The following TPTE2 variants were observed in gnomAD, a reference collection of about 807,000 sequenced individuals.
The protein encoded by TPTE2 is phosphatidylinositol 3,4,5-trisphosphate 3-phosphatase TPTE2.
Under a neutral mutation model 78.6 loss-of-function variants are expected in TPTE2, and 53 were observed. That is an observed-to-expected ratio of 0.67 (90% confidence interval 0.54 to 0.85). The LOEUF is 0.85. TPTE2 is among the 40% of genes least tolerant of loss of function. The pLI, the probability that TPTE2 is intolerant of heterozygous loss-of-function variation, is 0.00. For synonymous variants in TPTE2, 175 were observed against 206.2 expected, an observed-to-expected ratio of 0.85 and a Z score of 1.30; for missense variants, 461 against 623.0, an observed-to-expected ratio of 0.74 and a Z score of 2.77.
At position 19,451,233 on chromosome 13, in the gene TPTE2, A is replaced by C. The variant is rs770002845; in HGVS notation, c.742-8T>G. 8 of 1,613,368 alleles carry C rather than the reference A, an allele frequency of 5.0e-6. No individual in the cohort carries two copies. Among genetic ancestry groups the C allele is most frequent in the Admixed American group, 3.3e-5 (2 of 59,952 alleles). ...TAGAAACCGCACAACTTCCTAAAAA[A>C]GACAAACACATATCTTACATATTTA... is the stretch of plus-strand genomic sequence containing the variant. On this transcript the variant is annotated splice_region_variant and splice_polypyrimidine_tract_variant and intron_variant, in intron 10 of 19. Coordinates refer to ENST00000400230, the Ensembl canonical transcript of TPTE2.
intron 1 of TPTE2, among the ~76,000 whole-genome samples, chr13:19,502,542 G>C (rs369892685): frequency 6.7e-6 from 1 of 148,796 alleles, no homozygotes; most frequent in Non-Finnish European, 1.5e-5. Context: ...GTAAACTATC[G>C]CAAGAACAAA....
chr13:19,468,846 T>C (rs891833171), intron 6 of TPTE2, among the ~76,000 whole-genome samples: 1 of 152,246 alleles, frequency 6.6e-6, no homozygotes, highest in African/African-American at 2.4e-5. Context: ...TCAAATCTTA[T>C]GCTCATTTAA....
intron 3 of TPTE2, among the ~76,000 whole-genome samples, chr13:19,488,451 TGTTTA>T (rs1880789331): frequency 6.6e-6 from 1 of 152,258 alleles, no homozygotes; most frequent in Non-Finnish European, 1.5e-5. Context: ...GAAAATCTGT[TGTTTA>T]GTTTGGCCAC....
chr13:19,451,581 TC>T (rs1458331980), intron 10 of TPTE2, among the ~76,000 whole-genome samples: 1 of 152,182 alleles, frequency 6.6e-6, no homozygotes, highest in Non-Finnish European at 1.5e-5. Flanking sequence ...GGTTCTTATT[TC>T]AATTTAATTC....
chr13:19,436,251 A>C (rs1877075401), exon 15 of TPTE2: 1 of 1,613,068 alleles, frequency 6.2e-7, no homozygotes, highest in African/African-American at 1.3e-5. Context: ...TACTCCCTGA[A>C]ATTTATTGCT....
chr13:19,462,760 G>A (rs571327127), intron 10 of TPTE2, among the ~76,000 whole-genome samples: 45 of 151,780 alleles, frequency 3.0e-4, no homozygotes, highest in Non-Finnish European at 4.7e-4. Context: ...GGCCATGCTC[G>A]CCTTGAACTC....
intron 7 of TPTE2, among the ~76,000 whole-genome samples, chr13:19,466,022 T>A (rs1879250324): frequency 6.6e-6 from 1 of 152,192 alleles, no homozygotes; most frequent in Admixed American, 6.5e-5. Context: ...GTTATTCCCA[T>A]GAGTAACAGA....
intron 10 of TPTE2, among the ~76,000 whole-genome samples, chr13:19,452,986 A>ATTTTATTTAT (rs1555249725): frequency 5.0e-4 from 10 of 19,914 alleles, no homozygotes; most frequent in African/African-American, 7.4e-4. Context: ...ATTTTATTTT[A>ATTTTATTTAT]TTTATTTTAT....
At chr13:19,436,105 G>C in intron 15 of TPTE2, 121 bp downstream of exon 18, 1 of 772,186 alleles carries the variant, frequency 1.3e-6, no homozygotes, top group South Asian at 1.9e-5. Context: ...GCCTGTTGCA[G>C]GGCACCCAAC....
chr13:19,472,346 G>GT (rs1879672490), intron 6 of TPTE2, among the ~76,000 whole-genome samples: 1 of 152,032 alleles, frequency 6.6e-6, no homozygotes, highest in South Asian at 2.1e-4. Flanking sequence ...ATGCATCATT[G>GT]TTTTTTATTC....
chr13:19,466,201 G>A (rs1021753275), intron 7 of TPTE2, among the ~76,000 whole-genome samples: 2 of 152,160 alleles, frequency 1.3e-5, no homozygotes, highest in Non-Finnish European at 2.9e-5. Context: ...ACCTGGAAAA[G>A]CTTGTTAAGC....
At chr13:19,498,823 T>C (rs991267267) in intron 1 of TPTE2, among the ~76,000 whole-genome samples, 5 of 151,848 alleles carry the variant, frequency 3.3e-5, no homozygotes, top group Admixed American at 3.3e-4. Flanking sequence ...GTAAATGGAC[T>C]AAATGCTCCA....
the TPTE2 span, among the ~76,000 whole-genome samples, chr13:19,546,318 G>A: frequency 6.6e-6 from 1 of 152,212 alleles, no homozygotes; most frequent in African/African-American, 2.4e-5. Context: ...AAAGAGAGGT[G>A]ATGTGTGACA....
intron 17 of TPTE2, among the ~76,000 whole-genome samples, chr13:19,429,399 C>T (rs910697025): frequency 1.3e-5 from 2 of 152,110 alleles, no homozygotes; most frequent in African/African-American, 4.8e-5. Context: ...GAATCAAAGC[C>T]CAAGGCGTGA....
At chr13:19,441,332 G>C (rs1670802232) in intron 13 of TPTE2, among the ~76,000 whole-genome samples, 1 of 151,718 alleles carries the variant, frequency 6.6e-6, no homozygotes, top group African/African-American at 2.4e-5. Flanking sequence ...TCAGTACCTG[G>C]GTGATGCGAT....
intron 13 of TPTE2, among the ~76,000 whole-genome samples, chr13:19,448,073 G>A (rs1366345219): frequency 1.3e-5 from 2 of 152,154 alleles, no homozygotes; most frequent in Admixed American, 6.5e-5. Flanking sequence ...AAGAATCCAA[G>A]ATGGGGAAAG....
intron 1 of TPTE2, among the ~76,000 whole-genome samples, chr13:19,530,389 A>G (rs1360219686): frequency 6.6e-6 from 1 of 152,096 alleles, no homozygotes. Flanking sequence ...ACATCTACTG[A>G]CCTCAGCCAC....
chr13:19,524,120 C>CT (rs1309778114), intron 1 of TPTE2, among the ~76,000 whole-genome samples: 2 of 152,144 alleles, frequency 1.3e-5, no homozygotes, highest in African/African-American at 4.8e-5. Context: ...GGTTAACTGA[C>CT]TAATAGGATT....
intron 1 of TPTE2, among the ~76,000 whole-genome samples, chr13:19,501,844 A>T (rs1367933370): frequency 6.6e-6 from 1 of 151,864 alleles, no homozygotes. Flanking sequence ...AGAAACTATC[A>T]TCAGAGTGAA....
Sources: gnomAD v4.1 joint callset for allele counts (sites outside exome capture counted in the v4.1 genomes callset) on GRCh38, gnomAD v4.1.1 for gene constraint, MANE v1.5 for transcripts, NCBI Gene and HGNC (gene_info 2026-07-23, HGNC 2026-07-21) for gene names.